The following CRHBP variants were observed in gnomAD, a reference collection of about 807,000 sequenced individuals.
CRHBP encodes corticotropin-releasing hormone-binding protein.
In CRHBP, 19 loss-of-function variants were observed where a neutral mutation model predicts 34.9. The observed-to-expected ratio is 0.55, with a 90% CI of 0.38 to 0.80. The LOEUF is 0.80. Among genes scored for constraint, CRHBP ranks in the 30% least tolerant of loss-of-function variants. CRHBP has a pLI of 0.00. For missense variants in CRHBP, 328 were observed against 409.2 expected, an observed-to-expected ratio of 0.80 and a Z score of 1.71; for synonymous variants, 154 against 153.4, an observed-to-expected ratio of 1.00 and a Z score of -0.03.
chr5:76,974,036 A>G (rs1022272081), downstream of CRHBP, among the ~76,000 whole-genome samples: 23 of 151,440 alleles, frequency 1.5e-4, no homozygotes, highest in Admixed American at 7.2e-4. Context: ...TCTGTCACCC[A>G]GACTGGAGTT....
exon 4 of CRHBP, chr5:76,981,034 C>T (rs1746110750): frequency 1.3e-5 from 2 of 152,138 alleles, no homozygotes; most frequent in South Asian, 4.1e-4. Flanking sequence ...GAATGGATGC[C>T]AATAGACTCA....
chr5:76,961,294 C>T (rs1452010212), intron 5 of CRHBP, among the ~76,000 whole-genome samples: 2 of 152,078 alleles, frequency 1.3e-5, no homozygotes, highest in Non-Finnish European at 2.9e-5. Flanking sequence ...TTGTTTTGTT[C>T]CCCTCACTTT....
At chr5:76,972,356 C>T (rs528968877), downstream of CRHBP, among the ~76,000 whole-genome samples, 117 of 152,114 alleles carry the variant, frequency 7.7e-4, no homozygotes, top group East Asian at 3.5e-3. Flanking sequence ...AAAAATTAGC[C>T]GGGCATGGAG....
rs1056355240 is a variant in CRHBP, at chr5:76,969,274, A to G, written c.*389A>G. 1 of 161,724 alleles carries G rather than the reference A, an allele frequency of 6.2e-6. No individual in the cohort carries two copies. The highest frequency in any genetic ancestry group is 1.3e-5 in the Non-Finnish European group (1 of 74,158). The allele number at this position is 161,724 out of a possible 1,614,324, so 10.0% of individuals were successfully genotyped here. A position where few individuals can be genotyped will look rare whatever the true frequency, so the allele number is the denominator to read the frequency against. On this transcript the variant is annotated 3_prime_UTR_variant, in exon 7 of 7. Coordinates refer to ENST00000274368, the MANE Select transcript of CRHBP (RefSeq NM_001882.4). ...AAGTGGCAGCACTTATATTAGTTTT[A>G]TAACAGGATAAAGTCTTGTGTATAG...
At chr5:76,973,582 A>G (rs1745979125), downstream of CRHBP, among the ~76,000 whole-genome samples, 1 of 152,310 alleles carries the variant, frequency 6.6e-6, no homozygotes, top group Middle Eastern at 3.4e-3. Context: ...CCTCTCTTCA[A>G]TATTAGTTTA....
In CRHBP at chr5:76,953,980, T is replaced by C. The variant is rs186696913; in HGVS notation, c.176-49T>C. On this transcript the variant is annotated intron_variant, in intron 2 of 6. Transcript: ENST00000274368. ...GAGAGCGGCCGCCCGAGGACGGCGC[T>C]GCGGCGGCTGCAGCCCGGGACTTAT... is the stretch of plus-strand genomic sequence containing the variant. 1,458 of 1,561,504 alleles carry C rather than the reference T, an allele frequency of 9.3e-4. 14 individuals carry two copies. The African/African-American group carries it at 0.014, about 15-fold the overall frequency.
downstream of CRHBP, among the ~76,000 whole-genome samples, chr5:76,974,316 C>CGGCTGCTTGCT (rs1745990290): frequency 6.6e-6 from 1 of 151,074 alleles, no homozygotes; most frequent in South Asian, 2.1e-4. Flanking sequence ...GGTGCCCGGC[C>CGGCTGCTTGCT]AAATTTTGTA....
intron 3 of CRHBP, among the ~76,000 whole-genome samples, chr5:76,978,978 A>G (rs1471044002): frequency 6.6e-6 from 1 of 152,224 alleles, no homozygotes; most frequent in Non-Finnish European, 1.5e-5. Context: ...GGCAAACTCC[A>G]TTGATGTCTT....
At chr5:76,955,628 A>T (rs777916153) in intron 3 of CRHBP, 25 bp from the exon 4 acceptor site, 12 of 1,608,886 alleles carry the variant, frequency 7.5e-6, no homozygotes, top group Admixed American at 1.7e-5. Context: ...AAATGATAGC[A>T]TCTATGTCTG....
chr5:76,955,822 A>G lies in CRHBP; in HGVS notation c.503A>G (p.Asn168Ser), dbSNP rs941008377. 1 of 1,614,210 alleles carries G rather than the reference A, an allele frequency of 6.2e-7. No individual in the cohort carries two copies. The highest frequency in any genetic ancestry group is 8.5e-7 in the Non-Finnish European group (1 of 1,180,030). ...TTCTTCCGAGTCCATGAACCAGGAA[A>G]TGGATTCACATTAACCATAAAGACA... Reference protein sequence around the residue: ...MIFFRVHEPGNGFTLTIKTDP... With the variant: ...MIFFRVHEPGSGFTLTIKTDP... Residue 168 changes from asparagine (N) to serine (S), a missense_variant, in exon 4 of 7, where the codon AAT becomes AGT. Physicochemically the swap from Asn to Ser is conservative, Grantham distance 46. Coordinates refer to ENST00000274368, the MANE Select transcript of CRHBP (RefSeq NM_001882.4).
In CRHBP at chr5:76,959,795, G is replaced by A. The variant is rs545050823; in HGVS notation, c.693+906G>A. Among the ~76,000 whole-genome samples, 247 of 152,238 alleles carry A rather than the reference G, an allele frequency of 1.6e-3. 2 individuals carry two copies. The highest frequency in any genetic ancestry group is 3.1e-3 in the Non-Finnish European group (214 of 68,016). Reference sequence around the variant, plus strand: ...ATAAGGACATTTTTGGGTATCTTTGGTACAGTTTTACTGGCTTGATATTAT... The same window carrying A: ...ATAAGGACATTTTTGGGTATCTTTGATACAGTTTTACTGGCTTGATATTAT... On this transcript the variant is annotated intron_variant, in intron 5 of 6. Coordinates refer to ENST00000274368, the MANE Select transcript of CRHBP (RefSeq NM_001882.4).
chr5:76,965,554 TGAG>T (rs1451928600), intron 6 of CRHBP, among the ~76,000 whole-genome samples: 1 of 152,222 alleles, frequency 6.6e-6, no homozygotes, highest in African/African-American at 2.4e-5. Flanking sequence ...AGAGCACCTT[TGAG>T]GAGATATACC....
chr5:76,956,980 A>T (rs547626492), intron 4 of CRHBP, among the ~76,000 whole-genome samples: 1 of 152,278 alleles, frequency 6.6e-6, no homozygotes, highest in East Asian at 1.9e-4. Flanking sequence ...GTTCCTGAGG[A>T]CTGCAACAGA....
At position 76,954,172 on chromosome 5, in the gene CRHBP, G is replaced by A; in HGVS notation, c.319G>A (p.Gly107Ser). Reference protein sequence around the residue: ...YDQVSIDCQGGDFLKVFDGWI... With the variant: ...YDQVSIDCQGSDFLKVFDGWI... Reference sequence around the variant, plus strand: ...CCAGGTCTCCATCGACTGTCAGGGCGGCGACTTCCTGAAGGTGAGGCGCCC... The same window carrying A: ...CCAGGTCTCCATCGACTGTCAGGGCAGCGACTTCCTGAAGGTGAGGCGCCC... The change falls in exon 3 of 7, where the codon GGC (glycine) becomes AGC (serine). Residue 107 changes from glycine (G) to serine (S), a missense_variant. Around this residue, in one of 3 missense-constraint regions of CRHBP, gnomAD observed 173 missense variants for 172.2 expected, o/e 1.00. Transcript: ENST00000274368. 1.2e-6 allele frequency: 2 copies of A among 1,613,122 alleles called. No homozygotes were observed. Among genetic ancestry groups the A allele is most frequent in the Non-Finnish European group, 1.7e-6 (2 of 1,179,624 alleles).
intron 1 of CRHBP, 154 bp downstream of exon 1, chr5:76,953,369 C>A: frequency 1.2e-6 from 1 of 834,958 alleles, no homozygotes; most frequent in Admixed American, 2.3e-5. Context: ...TCCTGTTCTC[C>A]CTCCTTGCCT....
At position 76,978,290 on chromosome 5, in the gene CRHBP, C is replaced by T. The variant is rs74359970; in HGVS notation, n.467+1770C>T. ...AGGAGATGCCATCTAGGACTTTTAT[C>T]GCTAAAGAGAAGTCAATACCTGGTT... On this transcript the variant is annotated intron_variant and non_coding_transcript_variant, in intron 3 of 3. Transcript: ENST00000514258. 8.2e-3 allele frequency among the ~76,000 whole-genome samples: 1,246 copies of T among 152,302 alleles called. 21 individuals are homozygous for T. The highest frequency in any genetic ancestry group is 0.028 in the African/African-American group (1,182 of 41,578).
At chr5:76,974,634 A>G (rs1408974123) in intron 2 of CRHBP, among the ~76,000 whole-genome samples, 1 of 152,204 alleles carries the variant, frequency 6.6e-6, no homozygotes, top group Non-Finnish European at 1.5e-5. Flanking sequence ...ATGAAATTAT[A>G]TCTGAATACA....
chr5:76,964,288 G>C (rs1413465784), intron 6 of CRHBP, among the ~76,000 whole-genome samples: 1 of 151,438 alleles, frequency 6.6e-6, no homozygotes, highest in African/African-American at 2.5e-5. Flanking sequence ...AACAGAAGAA[G>C]AACAGCAGTC....
intron 3 of CRHBP, among the ~76,000 whole-genome samples, chr5:76,979,298 GTC>G (rs1305435150): frequency 6.6e-6 from 1 of 152,044 alleles, no homozygotes; most frequent in Non-Finnish European, 1.5e-5. Flanking sequence ...CAAGCAATCT[GTC>G]TCAGCCTCCC....
Sources: allele counts gnomAD v4.1 joint callset (sites outside exome capture counted in the v4.1 genomes callset), GRCh38; gene constraint gnomAD v4.1.1; regional missense constraint gnomAD v4.1.1; transcripts MANE v1.5; gene names NCBI Gene and HGNC (gene_info 2026-07-23, HGNC 2026-07-21).